The following FHIT variants were observed in gnomAD, a reference collection of about 807,000 sequenced individuals.
FHIT encodes the protein fragile histidine triad diadenosine triphosphatase, also known as bis(5'-adenosyl)-triphosphatase.
Under a neutral mutation model 17.9 loss-of-function variants are expected in FHIT, and 19 were observed. The ratio of observed to expected loss-of-function variants is 1.06; its 90% CI spans 0.74 to 1.56. The LOEUF (loss-of-function observed/expected upper bound fraction) is 1.56. Among genes scored for constraint, FHIT ranks in the 40% most tolerant of loss-of-function variants. The pLI, the probability that FHIT is intolerant of heterozygous loss-of-function variation, is 0.00. For synonymous variants in FHIT, 81 were observed against 69.7 expected (o/e 1.16, Z -0.81); for missense variants, 248 against 189.2 (o/e 1.31, Z -1.82).
chr3:61,126,935 A>G (rs1422103177), intron 2 of FHIT, among the ~76,000 whole-genome samples: 29 of 152,268 alleles, frequency 1.9e-4, no homozygotes, highest in Non-Finnish European at 4.4e-5. Context: ...AGCAACCCTA[A>G]AAGGCTAGAA....
chr3:61,150,773 G>A (rs565795001), intron 2 of FHIT, among the ~76,000 whole-genome samples: 40 of 152,008 alleles, frequency 2.6e-4, no homozygotes, highest in Non-Finnish European at 4.3e-4. Flanking sequence ...TCCCACCACC[G>A]ACAGCAATGG....
At chr3:61,228,176 AT>A (rs1406265189) in intron 1 of FHIT, among the ~76,000 whole-genome samples, 2 of 145,926 alleles carry the variant, frequency 1.4e-5, no homozygotes, top group Non-Finnish European at 2.9e-5. Flanking sequence ...TAAAAAAATA[AT>A]TTAAAAAAAA....
chr3:60,738,637 C>G (rs148578703), intron 4 of FHIT, among the ~76,000 whole-genome samples: 14 of 152,312 alleles, frequency 9.2e-5, no homozygotes, highest in Middle Eastern at 3.4e-3. Flanking sequence ...TCGATCTGTA[C>G]CACCTAGCTG....
intron 4 of FHIT, among the ~76,000 whole-genome samples, chr3:60,721,808 T>G (rs1042173064): frequency 3.9e-5 from 6 of 151,908 alleles, no homozygotes; most frequent in Non-Finnish European, 1.5e-5. Context: ...AAAAAGAGTA[T>G]TATTATTATT....
chr3:60,201,426 C>T (rs1447503517), intron 5 of FHIT, among the ~76,000 whole-genome samples: 2 of 152,022 alleles, frequency 1.3e-5, no homozygotes, highest in Non-Finnish European at 2.9e-5. Flanking sequence ...AGTGATCCTC[C>T]CACTTCAGCC....
chr3:60,900,682 A>G (rs1363387346), intron 3 of FHIT, among the ~76,000 whole-genome samples: 1 of 152,214 alleles, frequency 6.6e-6, no homozygotes, highest in Non-Finnish European at 1.5e-5. Flanking sequence ...GAAAGTAGGT[A>G]TATTAAAACT....
chr3:60,567,684 A>C (rs1328450078), intron 4 of FHIT, among the ~76,000 whole-genome samples: 2 of 152,224 alleles, frequency 1.3e-5, no homozygotes, highest in African/African-American at 4.8e-5. Flanking sequence ...ACAGAATGGG[A>C]GAAAATTTTT....
At chr3:60,280,028 T>G (rs1480115936) in intron 5 of FHIT, among the ~76,000 whole-genome samples, 1 of 62,168 alleles carries the variant, frequency 1.6e-5, no homozygotes, top group African/African-American at 4.7e-5. Context: ...CGAGACTCTG[T>G]CTCAAAAAAA....
chr3:61,230,142 A>G (rs1250057369), intron 1 of FHIT, among the ~76,000 whole-genome samples: 1 of 152,214 alleles, frequency 6.6e-6, no homozygotes, highest in Non-Finnish European at 1.5e-5. Flanking sequence ...AATGAGAAAG[A>G]CTTGGATCAA....
At chr3:60,905,969 A>G (rs1706392801) in intron 3 of FHIT, among the ~76,000 whole-genome samples, 2 of 152,162 alleles carry the variant, frequency 1.3e-5, no homozygotes, top group Non-Finnish European at 2.9e-5. Flanking sequence ...AACCATGTAA[A>G]GTTTTACATA....
chr3:60,262,286 T>A (rs1261351804), intron 5 of FHIT, among the ~76,000 whole-genome samples: 1 of 152,004 alleles, frequency 6.6e-6, no homozygotes, highest in Non-Finnish European at 1.5e-5. Context: ...CAAAATGAAT[T>A]TCTTAATGAG....
intron 3 of FHIT, among the ~76,000 whole-genome samples, chr3:61,033,222 G>A (rs1031200524): frequency 2.0e-5 from 3 of 152,154 alleles, no homozygotes; most frequent in African/African-American, 7.2e-5. Flanking sequence ...CATCACTTGT[G>A]TCCTGCCACG....
At chr3:60,366,519 G>C (rs949115508) in intron 5 of FHIT, among the ~76,000 whole-genome samples, 7 of 152,108 alleles carry the variant, frequency 4.6e-5, no homozygotes, top group African/African-American at 1.7e-4. Context: ...ACAGGAGGTG[G>C]GACCTCTAAC....
In FHIT at chr3:59,883,425, G is replaced by A. The variant is rs566875089; in HGVS notation, c.348+38921C>T. Among the ~76,000 whole-genome samples the A allele has an allele frequency of 2.0e-5, 3 of 152,304 alleles. No homozygotes were observed. The East Asian group carries it at 5.8e-4, about 29-fold the overall frequency. On this transcript the variant is annotated intron_variant, in intron 8 of 9. Transcript: ENST00000492590. ...AGAAGGTGAAAGGCATGTTTTATGT[G>A]GTGGCAGGCAAGAGAGAATGAGAAC...
chr3:61,010,804 A>G (rs1385694384), intron 3 of FHIT, among the ~76,000 whole-genome samples: 1 of 152,226 alleles, frequency 6.6e-6, no homozygotes, highest in East Asian at 1.9e-4. Flanking sequence ...TCATTGTAGC[A>G]GAATTGTGGA....
chr3:60,016,475 T>TCATCCATCCC (rs1315060758), intron 5 of FHIT, among the ~76,000 whole-genome samples: 3 of 152,160 alleles, frequency 2.0e-5, no homozygotes, highest in African/African-American at 7.2e-5. Flanking sequence ...ACCTACTCAC[T>TCATCCATCCC]CATCCATCCC....
In FHIT at chr3:59,846,243, C is replaced by T. The variant is rs919796240; in HGVS notation, c.348+76103G>A. Among the ~76,000 whole-genome samples the T allele has an allele frequency of 3.9e-5, 6 of 151,950 alleles. No individual in the cohort carries two copies. In the East Asian group the frequency reaches 5.8e-4, roughly 15 times the overall value. ...ATAATGAAATGATTAAATTCCTTTT[C>T]GATTTTTTCTGTATATTCTTTAGCT... is the stretch of plus-strand genomic sequence containing the variant. On this transcript the variant is annotated intron_variant, in intron 8 of 9. Transcript: ENST00000492590.
At chr3:60,995,763 C>T (rs1339089598) in intron 3 of FHIT, among the ~76,000 whole-genome samples, 1 of 152,108 alleles carries the variant, frequency 6.6e-6, no homozygotes, top group East Asian at 1.9e-4. Flanking sequence ...AATAAATTAT[C>T]ATATTGTGTA....
rs780928684 is a variant in FHIT, at chr3:61,117,333, G to C, written c.-163-75234C>G. Among the ~76,000 whole-genome samples, 7 of 152,228 alleles carry C rather than the reference G, an allele frequency of 4.6e-5. No individual in the cohort carries two copies. In the South Asian group the frequency reaches 8.3e-4, roughly 18 times the overall value. Reference sequence around the variant, plus strand: ...AGTTTACTCAATCAAATGTACCACGGAATAGAAAATGGGGCATATTCCTGT... The same window carrying C: ...AGTTTACTCAATCAAATGTACCACGCAATAGAAAATGGGGCATATTCCTGT... On this transcript the variant is annotated intron_variant, in intron 2 of 9. Transcript: ENST00000492590.
Sources: allele counts gnomAD v4.1 joint callset (sites outside exome capture counted in the v4.1 genomes callset), GRCh38; gene constraint gnomAD v4.1.1; transcripts MANE v1.5; gene names NCBI Gene and HGNC (gene_info 2026-07-23, HGNC 2026-07-21).